Variants in RYR1 observed in about 807,000 individuals in gnomAD.
The protein encoded by RYR1 is central core disease of muscle.
In RYR1, 342 loss-of-function variants were observed where a neutral mutation model predicts 583.5. The ratio of observed to expected loss-of-function variants is 0.59; its 90% confidence interval spans 0.54 to 0.64. RYR1 has a LOEUF of 0.64. RYR1 is among the 30% of genes least tolerant of loss of function. RYR1 has a pLI of 0.00. For missense variants in RYR1, 6,032 were observed against 6,917.2 expected (o/e 0.87, Z 4.54); for synonymous variants, 2,791 against 2,822.5 (o/e 0.99, Z 0.35).
chr19:38,476,954 A>T (rs1237051954), intron 29 of RYR1, among the ~76,000 whole-genome samples: 1 of 152,050 alleles, frequency 6.6e-6, no homozygotes, highest in Non-Finnish European at 1.5e-5. Context: ...GGATCACTTC[A>T]ATCCAGGAAT....
intron 11 of RYR1, among the ~76,000 whole-genome samples, chr19:38,449,026 G>C (rs1274348930): frequency 1.3e-5 from 2 of 152,054 alleles, no homozygotes; most frequent in Non-Finnish European, 2.9e-5. Flanking sequence ...GAGAGAAACT[G>C]AGACTGAGAG....
chr19:38,548,682 A>G (rs1206191516), intron 89 of RYR1, among the ~76,000 whole-genome samples: 1 of 152,084 alleles, frequency 6.6e-6, no homozygotes, highest in Non-Finnish European at 1.5e-5. Flanking sequence ...GGCTTAAGCA[A>G]TCCTCCCACC....
rs781728633 is a variant in RYR1 at position 38,444,561 on chromosome 19, T to C, written c.538-23T>C. The C allele has an allele frequency of 1.5e-5, 24 of 1,608,268 alleles. No homozygotes were observed. The South Asian group carries it at 2.2e-4, about 15-fold the overall frequency. On this transcript the variant is annotated intron_variant, in intron 6 of 105. Transcript: ENST00000359596. The surrounding 1 kb of genome is among the most constrained non-coding windows in gnomAD (Gnocchi z 5.1). ...GCCCACCCCTGCAATCGTCTCTGAC[T>C]GCCGCATCCTGGTGGCCCCCAGCAC...
chr19:38,444,555 T>G lies in RYR1; in HGVS notation c.538-29T>G. 1 of 1,604,800 alleles carries G rather than the reference T, an allele frequency of 6.2e-7. No individual in the cohort carries two copies. The highest frequency in any genetic ancestry group is 8.5e-7 in the Non-Finnish European group (1 of 1,173,570). On this transcript the variant is annotated intron_variant, in intron 6 of 105. Coordinates refer to ENST00000359596, the MANE Select transcript of RYR1 (RefSeq NM_000540.3). This position sits in a 1 kb window ranked among gnomAD's most constrained non-coding sequence, Gnocchi z 5.1. ...ACTCTCGCCCACCCCTGCAATCGTC[T>G]CTGACTGCCGCATCCTGGTGGCCCC...
chr19:38,507,664 T>G lies in RYR1; in HGVS notation c.8817-48T>G, dbSNP rs756762871. On this transcript the variant is annotated intron_variant, in intron 57 of 105. Transcript: ENST00000359596. ...GGCGGACCTGAGAAGGGTGGGAAAC[T>G]GTAGGGCCGGCGTCTGGGCTGATCC... The G allele has an allele frequency of 9.8e-6, 12 of 1,223,640 alleles. No individual in the cohort carries two copies. In the South Asian group the frequency reaches 1.4e-4, roughly 15 times the overall value. The allele number at this position is 1,223,640 out of a possible 1,614,324, so 75.8% of individuals were successfully genotyped here.
chr19:38,460,795 C>T (rs773995034), intron 20 of RYR1, among the ~76,000 whole-genome samples: 2 of 152,124 alleles, frequency 1.3e-5, no homozygotes, highest in African/African-American at 2.4e-5. Context: ...CTGGCCAACA[C>T]GGTGAAAGTG....
At chr19:38,508,007 C>T (rs1323104768) in intron 58 of RYR1, among the ~76,000 whole-genome samples, 180 bp downstream of exon 58, 1 of 152,052 alleles carries the variant, frequency 6.6e-6, no homozygotes, top group Non-Finnish European at 1.5e-5. Flanking sequence ...GTGAAGATGA[C>T]AAATGACCCC....
intron 33 of RYR1, among the ~76,000 whole-genome samples, chr19:38,485,370 G>T (rs1038489838): frequency 2.0e-5 from 3 of 152,278 alleles, no homozygotes; most frequent in African/African-American, 7.2e-5. Flanking sequence ...TGCAGCCTTC[G>T]ACACTCGTCT....
At chr19:38,553,117 G>A (rs1435910834) in intron 89 of RYR1, among the ~76,000 whole-genome samples, 1 of 152,128 alleles carries the variant, frequency 6.6e-6, no homozygotes, top group East Asian at 1.9e-4. Flanking sequence ...CAGATCACTT[G>A]AGGTCAGAAG....
At chr19:38,570,773 A>T in intron 94 of RYR1, 80 bp downstream of exon 94, 2 of 1,231,616 alleles carry the variant, frequency 1.6e-6, no homozygotes, top group Non-Finnish European at 1.2e-6. Flanking sequence ...TCAGAATTTC[A>T]GGGTTCCTCC....
intron 71 of RYR1, among the ~76,000 whole-genome samples, chr19:38,526,672 A>C (rs1971479768): frequency 2.2e-5 from 3 of 134,956 alleles, no homozygotes; most frequent in Non-Finnish European, 3.1e-5. Flanking sequence ...TCCCTGCCCC[A>C]CTCTGACCCC....
chr19:38,434,754 G>A (rs949551332), intron 1 of RYR1, among the ~76,000 whole-genome samples: 1 of 152,098 alleles, frequency 6.6e-6, no homozygotes, highest in African/African-American at 2.4e-5. Flanking sequence ...CAGTGGCTCC[G>A]CAGGGTGTGG....
intron 1 of RYR1, among the ~76,000 whole-genome samples, chr19:38,435,918 AT>A (rs906537668): frequency 6.6e-6 from 1 of 151,908 alleles, no homozygotes; most frequent in South Asian, 2.1e-4. Context: ...TTATTTATTT[AT>A]TTTTTTGAGA....
At chr19:38,476,455 G>A (rs1313337366) in intron 29 of RYR1, among the ~76,000 whole-genome samples, 2 of 151,944 alleles carry the variant, frequency 1.3e-5, no homozygotes, top group African/African-American at 2.4e-5. Context: ...CCTCGGTCTC[G>A]CAAAGTGCTG....
At chr19:38,439,708 A>G (rs1568431094) in intron 1 of RYR1, among the ~76,000 whole-genome samples, 1 of 151,466 alleles carries the variant, frequency 6.6e-6, no homozygotes, top group Non-Finnish European at 1.5e-5. Context: ...GGGTTTCACC[A>G]TGTTGGCCAG....
At chr19:38,564,911 G>C in intron 90 of RYR1, 48 bp from the exon 91 acceptor site, 3 of 1,544,858 alleles carry the variant, frequency 1.9e-6, no homozygotes, top group East Asian at 2.4e-5. Flanking sequence ...GCTGCTGTCC[G>C]AGCCCCCGCT....
At chr19:38,497,123 C>G (rs1969870787) in intron 42 of RYR1, among the ~76,000 whole-genome samples, 169 bp downstream of exon 42, 1 of 152,150 alleles carries the variant, frequency 6.6e-6, no homozygotes, top group African/African-American at 2.4e-5. Context: ...CCCAGTTGTT[C>G]ATTCATGGGA....
chr19:38,477,959 T>C (rs1195258830), intron 30 of RYR1, 89 bp downstream of exon 30: 13 of 1,351,054 alleles, frequency 9.6e-6, no homozygotes, highest in South Asian at 1.2e-5. Flanking sequence ...GGCTGCCTGG[T>C]TGTGGGACCT....
Position 38,567,759 on chromosome 19 carries a change from G to C in RYR1, c.13515-14G>C. 1 of 1,614,162 alleles carries C rather than the reference G, an allele frequency of 6.2e-7. No homozygotes were observed. On this transcript the variant is annotated splice_polypyrimidine_tract_variant and intron_variant, in intron 92 of 105. Coordinates refer to ENST00000359596, the MANE Select transcript of RYR1 (RefSeq NM_000540.3). Reference sequence around the variant, plus strand: ...CCCAGGCACCTCCTGACCTCTCTCTGTCCTGCCCTGCAGTGCCGAGAATGG... The same window carrying C: ...CCCAGGCACCTCCTGACCTCTCTCTCTCCTGCCCTGCAGTGCCGAGAATGG...
Sources: gnomAD v4.1 joint callset for allele counts (sites outside exome capture counted in the v4.1 genomes callset) on GRCh38, gnomAD v4.1.1 for gene constraint, Gnocchi (gnomAD v3.1) non-coding constraint, MANE v1.5 for transcripts, NCBI Gene and HGNC (gene_info 2026-07-23, HGNC 2026-07-21) for gene names.